Variants in DICER1 observed in about 807,000 individuals in gnomAD.
DICER1 encodes the protein endoribonuclease Dicer.
A neutral mutation model predicts 194.1 loss-of-function variants in DICER1; 43 were observed. The observed-to-expected ratio is 0.22, with a 90% CI of 0.17 to 0.29. The LOEUF (loss-of-function observed/expected upper bound fraction) is 0.29. Among genes scored for constraint, DICER1 ranks in the 10% least tolerant of loss-of-function variants. The probability of loss-of-function intolerance (pLI) is 1.00; values close to 1 mark genes in which losing one functional copy is unlikely to be tolerated. For synonymous variants in DICER1, 832 were observed against 820.5 expected, an observed-to-expected ratio of 1.01 and a Z score of -0.24; for missense variants, 1,608 against 2,317.0, an observed-to-expected ratio of 0.69 and a Z score of 6.28.
At chr14:95,155,442 T>A (rs182426336) in intron 1 of DICER1, among the ~76,000 whole-genome samples, 3 of 152,300 alleles carry the variant, frequency 2.0e-5, no homozygotes, top group Non-Finnish European at 4.4e-5. Flanking sequence ...ACAAGTACTG[T>A]ACAACCCACT....
chr14:95,107,253 A>ATT (rs111794316), intron 17 of DICER1, among the ~76,000 whole-genome samples: 80 of 143,080 alleles, frequency 5.6e-4, no homozygotes, highest in East Asian at 3.1e-3. Flanking sequence ...GAATAAGTGA[A>ATT]TTTTTTTTTT....
intron 1 of DICER1, among the ~76,000 whole-genome samples, chr14:95,147,980 C>T (rs759041258): frequency 1.3e-5 from 2 of 152,220 alleles, no homozygotes; most frequent in Non-Finnish European, 2.9e-5. Flanking sequence ...GGGAGGATCG[C>T]TTGAGGCCAG....
chr14:95,127,457 T>C (rs1893573925), intron 6 of DICER1, among the ~76,000 whole-genome samples: 2 of 152,140 alleles, frequency 1.3e-5, no homozygotes, highest in Admixed American at 1.3e-4. Flanking sequence ...AATATTTGCA[T>C]ATAAAAAATG....
intron 21 of DICER1, among the ~76,000 whole-genome samples, chr14:95,101,321 G>T (rs920835031): frequency 6.6e-6 from 1 of 152,180 alleles, no homozygotes; most frequent in South Asian, 2.1e-4. Context: ...ATAAGGAGTA[G>T]AAGGTTTCTG....
intron 1 of DICER1, among the ~76,000 whole-genome samples, chr14:95,146,371 T>G (rs953804726): frequency 6.6e-6 from 1 of 152,024 alleles, no homozygotes; most frequent in Non-Finnish European, 1.5e-5. Flanking sequence ...CACCTTTGAG[T>G]GGTGCTTTTA....
intron 4 of DICER1, among the ~76,000 whole-genome samples, chr14:95,130,491 C>A (rs1447983077): frequency 1.3e-5 from 2 of 152,238 alleles, no homozygotes; most frequent in Non-Finnish European, 2.9e-5. Context: ...CTGATGAGAT[C>A]TGTCAATTTA....
Position 95,116,600 on chromosome 14 carries a change from A to G in DICER1, c.1605T>C (p.Val535=). The change falls in exon 10 of 27, where the codon GTT becomes GTC. Residue 535 remains valine (V), a synonymous_variant. Transcript: ENST00000343455. ...GATATTCTGTGGGCAAATCAAAACG[A>G]ACCACCAAGTTGCATTTTGGTATAT... is the stretch of plus-strand genomic sequence containing the variant. ...GVDIPKCNLV[V]RFDLPTEYRS... 6.2e-7 allele frequency: 1 copy of G among 1,614,174 alleles called. No individual in the cohort carries two copies. Among genetic ancestry groups the G allele is most frequent in the Non-Finnish European group, 8.5e-7 (1 of 1,180,010 alleles).
intron 13 of DICER1, 29 bp downstream of exon 13, chr14:95,112,143 A>G: frequency 1.3e-6 from 2 of 1,592,106 alleles, no homozygotes; most frequent in Non-Finnish European, 1.7e-6. Flanking sequence ...ATTTATTTTC[A>G]TTCGTATATG....
intron 14 of DICER1, 76 bp downstream of exon 14, chr14:95,111,241 G>T: frequency 6.3e-7 from 1 of 1,575,636 alleles, no homozygotes. Flanking sequence ...CAGCCAAGCA[G>T]AGGAACTGAG....
At position 95,105,091 on chromosome 14, in the gene DICER1, T is replaced by A. The variant is rs1291112028; in HGVS notation, c.3249A>T (p.Arg1083Ser). 1.9e-6 allele frequency: 3 copies of A among 1,614,186 alleles called. No homozygotes were observed. Among genetic ancestry groups the A allele is most frequent in the Non-Finnish European group, 2.5e-6 (3 of 1,180,014 alleles). Residue 1083 changes from arginine (R) to serine (S), a missense_variant, in exon 20 of 27, where the codon AGA (arginine) becomes AGT (serine). Transcript: ENST00000343455. The surrounding 1 kb of genome is among the most constrained non-coding windows in gnomAD (Gnocchi z 4.9). Reference sequence around the variant, plus strand: ...CATACCTAAAATCCGCAGGAAGTGATCTGACTCCCACGCCAGCATCGCTGG... The same window carrying A: ...CATACCTAAAATCCGCAGGAAGTGAACTGACTCCCACGCCAGCATCGCTGG... The part of the protein sequence containing the change: ...QTASDAGVGV[R>S]SLPADFRYPN...
chr14:95,087,137 G>A lies in DICER1; in HGVS notation c.*3361C>T, dbSNP rs1310753388. 2.1e-5 allele frequency: 5 copies of A among 233,136 alleles called. No individual in the cohort carries two copies. The highest frequency in any genetic ancestry group is 4.2e-5 in the Non-Finnish European group (5 of 117,788). The allele number at this position is 233,136 out of a possible 1,614,324, so 14.4% of individuals were successfully genotyped here. The stretch of plus-strand genomic sequence containing the variant: ...CAGTGCCCACCTGCCTCCAGGGAGC[G>A]ACTGAAGAAGCCGACTGCCGGGGGA... On this transcript the variant is annotated 3_prime_UTR_variant, in exon 27 of 27. Coordinates refer to ENST00000343455, the MANE Select transcript of DICER1 (RefSeq NM_177438.3).
intron 17 of DICER1, 87 bp from the exon 18 acceptor site, chr14:95,106,310 G>C: frequency 1.0e-6 from 1 of 996,144 alleles, no homozygotes; most frequent in Non-Finnish European, 1.5e-6. Flanking sequence ...GTATGGAAAT[G>C]ATGATTAAGA....
At chr14:95,119,912 G>A (rs1487221554) in intron 8 of DICER1, among the ~76,000 whole-genome samples, 1 of 152,148 alleles carries the variant, frequency 6.6e-6, no homozygotes, top group Non-Finnish European at 1.5e-5. Flanking sequence ...CATGACATAG[G>A]TAAATTCTGG....
chr14:95,152,262 T>C (rs1895562698), intron 1 of DICER1, among the ~76,000 whole-genome samples: 1 of 152,228 alleles, frequency 6.6e-6, no homozygotes, highest in South Asian at 2.1e-4. Context: ...GTCTGCAATG[T>C]TTCTGTGCAC....
chr14:95,136,086 TACACAC>T (rs144415862), intron 1 of DICER1, among the ~76,000 whole-genome samples: 38,961 of 146,566 alleles, frequency 0.27, 5,970 homozygotes, highest in Non-Finnish European at 0.36. Flanking sequence ...TACATGTAGA[TACACAC>T]ACACACACAC....
In DICER1 at chr14:95,103,921, C is replaced by T. The variant is rs145693584; in HGVS notation, c.3475G>A (p.Glu1159Lys). 4.3e-6 allele frequency: 7 copies of T among 1,614,008 alleles called. No individual in the cohort carries two copies. Among genetic ancestry groups the T allele is most frequent in the African/African-American group, 1.3e-5 (1 of 74,910 alleles). The change falls in exon 21 of 27, where the codon GAG (glutamate) becomes AAG (lysine). Residue 1159 changes from glutamate (E) to lysine (K), a missense_variant. Around this residue, in one of 10 missense-constraint regions of DICER1, gnomAD observed 222 missense variants for 215.5 expected, o/e 1.03. Transcript: ENST00000343455. Reference protein sequence around the residue: ...MSVNCRTLLSESPGKLHVEVS... With the variant: ...MSVNCRTLLSKSPGKLHVEVS... ...TCAACGTGGAGCTTACCAGGGGACT[C>T]GCTGAGCAACGTTCTGCAGTTCACA... is the stretch of plus-strand genomic sequence containing the variant.
chr14:95,149,427 T>A (rs893029657), intron 1 of DICER1, among the ~76,000 whole-genome samples: 4 of 152,158 alleles, frequency 2.6e-5, no homozygotes, highest in African/African-American at 9.7e-5. Context: ...CCAACAGAGT[T>A]CGCCACCTCT....
rs1595371618 is a variant in DICER1, at chr14:95,105,297, A to AG, written c.3094-52dup. The AG allele has an allele frequency of 6.6e-7, 1 of 1,511,342 alleles. No individual in the cohort carries two copies. The allele number at this position is 1,511,342 out of a possible 1,614,324, so 93.6% of individuals were successfully genotyped here. On this transcript the variant is annotated intron_variant, in intron 19 of 26. Transcript: ENST00000343455. The surrounding 1 kb of genome is among the most constrained non-coding windows in gnomAD (Gnocchi z 4.9). ...GATAAATACAAAGCGCACACACAAA[A>AG]GAAAAAAAAAAAGACCAATTTCACT...
intron 1 of DICER1, chr14:95,141,588 TA>T (rs1187101483): frequency 2.0e-5 from 3 of 152,218 alleles, no homozygotes; most frequent in Non-Finnish European, 4.4e-5. Context: ...TCATGGAGGT[TA>T]AAGTTCTCAT....
Sources: allele counts gnomAD v4.1 joint callset (sites outside exome capture counted in the v4.1 genomes callset), GRCh38; gene constraint gnomAD v4.1.1; regional missense constraint gnomAD v4.1.1; non-coding constraint Gnocchi (gnomAD v3.1); transcripts MANE v1.5; gene names NCBI Gene and HGNC (gene_info 2026-07-23, HGNC 2026-07-21).